The following ZNF569 variants were observed in gnomAD, a reference collection of about 807,000 sequenced individuals.
ZNF569 encodes the protein DNA-binding protein.
ZNF569 carries 38 observed loss-of-function variants against 56.3 expected under a neutral mutation model. That is an observed-to-expected ratio of 0.68 (90% CI 0.52 to 0.88). The LOEUF (loss-of-function observed/expected upper bound fraction) is 0.88, where lower values mean the gene tolerates loss of function less well. Ranked by LOEUF, ZNF569 falls within the 40% of genes least tolerant of loss-of-function variation. The pLI is 0.00. For synonymous variants in ZNF569, 241 were observed against 262.9 expected, an observed-to-expected ratio of 0.92 and a Z score of 0.81; for missense variants, 666 against 809.2, an observed-to-expected ratio of 0.82 and a Z score of 2.15.
At chr19:37,440,091 C>T (rs1414280327) in intron 3 of ZNF569, among the ~76,000 whole-genome samples, 1 of 151,894 alleles carries the variant, frequency 6.6e-6, no homozygotes, top group Admixed American at 6.6e-5. Context: ...TGGATAGATA[C>T]CCTATTTACC....
chr19:37,415,294 T>A (rs1209731429), intron 5 of ZNF569, among the ~76,000 whole-genome samples: 1 of 152,110 alleles, frequency 6.6e-6, no homozygotes, highest in African/African-American at 2.4e-5. Flanking sequence ...AAATGTCAAG[T>A]AATGACATTT....
chr19:37,439,957 G>A (rs981323085), intron 3 of ZNF569, among the ~76,000 whole-genome samples: 3 of 152,168 alleles, frequency 2.0e-5, no homozygotes, highest in Non-Finnish European at 4.4e-5. Context: ...TACAAATATA[G>A]TTAGAATGAA....
upstream of ZNF569, chr19:37,469,254 A>C (rs897297539): frequency 5.0e-6 from 7 of 1,390,142 alleles, no homozygotes; most frequent in East Asian, 1.1e-4. Flanking sequence ...AGACACTGCG[A>C]CGCCGCGACC....
intron 2 of ZNF569, among the ~76,000 whole-genome samples, chr19:37,460,634 A>G (rs2041742870): frequency 6.6e-6 from 1 of 152,136 alleles, no homozygotes; most frequent in East Asian, 1.9e-4. Flanking sequence ...GTGCACCTGT[A>G]GTCCAAGCTA....
intron 3 of ZNF569, among the ~76,000 whole-genome samples, chr19:37,433,187 G>T (rs1195180892): frequency 6.6e-6 from 1 of 152,062 alleles, no homozygotes; most frequent in Non-Finnish European, 1.5e-5. Context: ...AAAATGCTAG[G>T]ATTGTAGGCA....
upstream of ZNF569, chr19:37,469,049 C>T: frequency 4.0e-6 from 4 of 994,058 alleles, no homozygotes; most frequent in Non-Finnish European, 4.8e-6. Context: ...GCGCAGAGCG[C>T]TTGTGCCTGC....
At chr19:37,450,855 A>AT (rs2041580468) in intron 2 of ZNF569, among the ~76,000 whole-genome samples, 2 of 151,814 alleles carry the variant, frequency 1.3e-5, no homozygotes, top group Non-Finnish European at 2.9e-5. Context: ...TTCTAATTTC[A>AT]TTTTTTATTT....
intron 2 of ZNF569, among the ~76,000 whole-genome samples, chr19:37,463,107 C>T (rs887284451): frequency 3.3e-5 from 5 of 152,156 alleles, no homozygotes; most frequent in African/African-American, 1.2e-4. Context: ...TCACACTCTA[C>T]CTCAGTTTGT....
At chr19:37,466,399 G>A (rs367566243) in intron 1 of ZNF569, among the ~76,000 whole-genome samples, 2 of 152,286 alleles carry the variant, frequency 1.3e-5, no homozygotes, top group African/African-American at 4.8e-5. Context: ...GGAGAACGAG[G>A]CGGGTGGATC....
At chr19:37,427,702 T>C in intron 3 of ZNF569, 1 of 445,244 alleles carries the variant, frequency 2.2e-6, no homozygotes, top group East Asian at 6.6e-5. Context: ...CTGAAAATCA[T>C]GATGCTTGCA....
rs1253333820 is a variant in ZNF569 at position 37,456,639 on chromosome 19, T to C, written c.-44+8674A>G. On this transcript the variant is annotated intron_variant, in intron 2 of 5. Transcript: ENST00000316950. Reference sequence around the variant, plus strand: ...TTCACTCTAAACATACTTGTATGTATACATTCTAGAAATTTTCTTCCAAAA... The same window carrying C: ...TTCACTCTAAACATACTTGTATGTACACATTCTAGAAATTTTCTTCCAAAA... Among the ~76,000 whole-genome samples, 3 of 152,164 alleles carry C rather than the reference T, an allele frequency of 2.0e-5. No homozygotes were observed. The East Asian group carries it at 5.8e-4, about 29-fold the overall frequency.
rs2041302913 is a variant in ZNF569 at position 37,435,986 on chromosome 19, A to T, written c.15+8921T>A. ...CTATCAGACTTAATCTGCACTACAGATCAAATGGACATAATAGATATATAC... is the reference window on the plus strand; with the variant it reads ...CTATCAGACTTAATCTGCACTACAGTTCAAATGGACATAATAGATATATAC... On this transcript the variant is annotated intron_variant, in intron 3 of 5. Coordinates refer to ENST00000316950, the MANE Select transcript of ZNF569 (RefSeq NM_152484.3). 7.2e-5 allele frequency among the ~76,000 whole-genome samples: 11 copies of T among 152,332 alleles called. No homozygotes were observed. In the South Asian group the frequency reaches 2.3e-3, roughly 32 times the overall value.
At chr19:37,415,970 C>T (rs529764043) in intron 5 of ZNF569, among the ~76,000 whole-genome samples, 13 of 151,450 alleles carry the variant, frequency 8.6e-5, no homozygotes, top group South Asian at 2.1e-4. Context: ...CAGTGGCTCA[C>T]GCCTGTAATC....
At chr19:37,459,153 A>G (rs1341903648) in intron 2 of ZNF569, among the ~76,000 whole-genome samples, 1 of 152,156 alleles carries the variant, frequency 6.6e-6, no homozygotes, top group African/African-American at 2.4e-5. Context: ...GTAAGTAATA[A>G]TGTCCATGAA....
intron 1 of ZNF569, chr19:37,466,665 G>A (rs1173128972): frequency 1.3e-5 from 2 of 152,256 alleles, no homozygotes; most frequent in African/African-American, 4.8e-5. Flanking sequence ...TATTTCCAAT[G>A]ACCAAAGCTA....
Position 37,414,326 on chromosome 19 carries a change from T to A in ZNF569, c.332A>T (p.Lys111Ile). The part of the protein sequence containing the change: ...VKFQKTLTEE[K>I]GNECQKKFAN... The stretch of plus-strand genomic sequence containing the variant: ...AAATTTCTTTTGACATTCATTGCCT[T>A]TTTCTTCAGTCAGTGTTTTCTGGAA... Residue 111 changes from lysine (K) to isoleucine (I), a missense_variant, in exon 6 of 6, where the codon AAA becomes ATA. Physicochemically the swap from Lys to Ile is moderately radical, Grantham distance 102 (BLOSUM62 -3). Transcript: ENST00000316950. The A allele has an allele frequency of 1.2e-6, 2 of 1,613,496 alleles. No homozygotes were observed. The highest frequency in any genetic ancestry group is 1.7e-6 in the Non-Finnish European group (2 of 1,179,766).
chr19:37,417,721 G>A (rs1223349619), intron 5 of ZNF569, among the ~76,000 whole-genome samples: 1 of 152,186 alleles, frequency 6.6e-6, no homozygotes, highest in African/African-American at 2.4e-5. Context: ...TTTGAAAATA[G>A]CTCAAAGGAA....
chr19:37,453,190 T>C (rs1273805165), intron 2 of ZNF569, among the ~76,000 whole-genome samples: 2 of 152,158 alleles, frequency 1.3e-5, no homozygotes, highest in African/African-American at 4.8e-5. Flanking sequence ...CTCCCCTGGA[T>C]GAGTTAGGGC....
upstream of ZNF569, chr19:37,467,801 C>A: frequency 2.2e-6 from 3 of 1,347,546 alleles, no homozygotes; most frequent in South Asian, 1.2e-5. Context: ...CATCTGAGGT[C>A]GTGCGAATAT....
Sources: gnomAD v4.1 joint callset for allele counts (sites outside exome capture counted in the v4.1 genomes callset) on GRCh38, gnomAD v4.1.1 for gene constraint, MANE v1.5 for transcripts, NCBI Gene and HGNC (gene_info 2026-07-23, HGNC 2026-07-21) for gene names.